Variants in RARB observed in about 807,000 individuals in gnomAD.
The protein encoded by RARB is HBV-activated protein.
A neutral mutation model predicts 51.9 loss-of-function variants in RARB; 17 were observed. That is an observed-to-expected ratio of 0.33 (90% CI 0.22 to 0.49). The LOEUF is 0.49. Ranked by LOEUF, RARB falls within the 20% of genes least tolerant of loss-of-function variation. The pLI, the probability that RARB is intolerant of heterozygous loss-of-function variation, is 0.99. For synonymous variants in RARB, 215 were observed against 195.4 expected (o/e 1.10, Z -0.84); for missense variants, 369 against 550.8 (o/e 0.67, Z 3.30).
intron 5 of RARB, among the ~76,000 whole-genome samples, chr3:25,371,883 T>TAGAG (rs1455828696): frequency 1.3e-5 from 2 of 152,076 alleles, no homozygotes; most frequent in South Asian, 4.1e-4. Context: ...AAAGAAAGTG[T>TAGAG]AGAGGAGTGT....
intron 5 of RARB, among the ~76,000 whole-genome samples, chr3:25,322,053 T>G (rs1704586138): frequency 6.6e-6 from 1 of 151,910 alleles, no homozygotes; most frequent in Non-Finnish European, 1.5e-5. Context: ...TGAAATAAAA[T>G]GCATTATAAG....
chr3:25,356,711 G>A (rs1705749091), intron 5 of RARB, among the ~76,000 whole-genome samples: 1 of 151,928 alleles, frequency 6.6e-6, no homozygotes, highest in Admixed American at 6.6e-5. Context: ...TTCCCTCCCT[G>A]GGCCCATATG....
At chr3:24,922,211 T>C (rs1695230249) in intron 2 of RARB, among the ~76,000 whole-genome samples, 1 of 152,228 alleles carries the variant, frequency 6.6e-6, no homozygotes, top group African/African-American at 2.4e-5. Context: ...GCTATCTGTA[T>C]AAACCTGTAA....
chr3:25,161,907 A>G (rs2125346906), intron 4 of RARB, among the ~76,000 whole-genome samples: 1 of 152,260 alleles, frequency 6.6e-6, no homozygotes, highest in Admixed American at 6.5e-5. Context: ...TTCCAGGGAA[A>G]GAGGCTGCAT....
At chr3:25,365,089 C>G (rs1195692662) in intron 5 of RARB, among the ~76,000 whole-genome samples, 3 of 151,984 alleles carry the variant, frequency 2.0e-5, no homozygotes, top group African/African-American at 4.8e-5. Context: ...AAAAATTCTC[C>G]CAAATGTGGC....
At chr3:24,966,696 C>T (rs562015878) in intron 2 of RARB, among the ~76,000 whole-genome samples, 1 of 151,820 alleles carries the variant, frequency 6.6e-6, no homozygotes, top group Admixed American at 6.6e-5. Context: ...AGATGTTTAA[C>T]AGACCAGGGT....
intron 5 of RARB, among the ~76,000 whole-genome samples, chr3:25,229,100 T>G (rs1702120295): frequency 6.6e-6 from 1 of 152,138 alleles, no homozygotes; most frequent in South Asian, 2.1e-4. Context: ...TTCAGAAAGA[T>G]CTATATCCTG....
intron 2 of RARB, among the ~76,000 whole-genome samples, chr3:24,969,930 A>G (rs1696357036): frequency 6.6e-6 from 1 of 152,116 alleles, no homozygotes; most frequent in African/African-American, 2.4e-5. Flanking sequence ...CAGAGCTGTC[A>G]GTTTAATCTT....
chr3:25,474,185 C>T (rs1038964573), intron 2 of RARB, among the ~76,000 whole-genome samples: 4 of 152,168 alleles, frequency 2.6e-5, no homozygotes, highest in African/African-American at 2.4e-5. Context: ...ACCATTCATA[C>T]AGCCCTGGAA....
chr3:25,062,930 G>C (rs1319893808), intron 3 of RARB, among the ~76,000 whole-genome samples: 1 of 151,952 alleles, frequency 6.6e-6, no homozygotes, highest in Non-Finnish European at 1.5e-5. Flanking sequence ...TGTGAATCAT[G>C]TCTCAAAGGT....
intron 1 of RARB, among the ~76,000 whole-genome samples, chr3:25,449,775 G>A (rs977260588): frequency 6.0e-5 from 9 of 149,888 alleles, no homozygotes; most frequent in Non-Finnish European, 7.4e-5. Flanking sequence ...TTTTTTAGAC[G>A]GAGTCCTGCT....
rs540281723 is a variant in RARB, at chr3:25,103,767, T to C, written c.-327-28394T>C. On this transcript the variant is annotated intron_variant, in intron 3 of 11. Coordinates refer to the RARB transcript ENST00000383772. The stretch of plus-strand genomic sequence containing the variant: ...TATCCACTTTAAACAGTATTATGAA[T>C]GGGGTTCTTATTTTCCTCCATTTTG... Among the ~76,000 whole-genome samples, 252 of 152,358 alleles carry C rather than the reference T, an allele frequency of 1.7e-3. 3 individuals are homozygous for C. Among genetic ancestry groups the C allele is most frequent in the Non-Finnish European group, 2.2e-3 (152 of 68,036 alleles).
intron 2 of RARB, among the ~76,000 whole-genome samples, chr3:24,908,016 A>G: frequency 6.6e-6 from 1 of 152,098 alleles, no homozygotes; most frequent in East Asian, 1.9e-4. Flanking sequence ...GGGTTTTGTT[A>G]TCTTTATCAA....
rs1695061004 is a variant in RARB, at chr3:24,914,270, C to T, written c.-380+55518C>T. On this transcript the variant is annotated intron_variant, in intron 2 of 11. Transcript: ENST00000383772. ...TCTTGATGAGTAACATTTTCCATGT[C>T]GTACCTGTGGCATCTCAGTGACAAA... 3.3e-5 allele frequency among the ~76,000 whole-genome samples: 5 copies of T among 152,160 alleles called. No individual in the cohort carries two copies. In the South Asian group the frequency reaches 6.2e-4, roughly 19 times the overall value.
At chr3:24,944,929 G>A (rs1695742313) in intron 2 of RARB, among the ~76,000 whole-genome samples, 1 of 152,096 alleles carries the variant, frequency 6.6e-6, no homozygotes, top group African/African-American at 2.4e-5. Context: ...GGGTTTGGAG[G>A]AGCTTAAACA....
intron 3 of RARB, among the ~76,000 whole-genome samples, chr3:25,547,054 C>T (rs546157556): frequency 1.3e-5 from 2 of 152,268 alleles, no homozygotes; most frequent in Admixed American, 1.3e-4. Flanking sequence ...ATAAGCTTAG[C>T]TACCTGGTAA....
chr3:25,094,864 A>T (rs967900490), intron 3 of RARB, among the ~76,000 whole-genome samples: 4 of 151,884 alleles, frequency 2.6e-5, no homozygotes, highest in African/African-American at 9.7e-5. Flanking sequence ...GACTCTCCTG[A>T]TGTCTTACAT....
At chr3:25,324,962 T>G (rs1704672044) in intron 5 of RARB, among the ~76,000 whole-genome samples, 1 of 152,102 alleles carries the variant, frequency 6.6e-6, no homozygotes, top group South Asian at 2.1e-4. Flanking sequence ...AAGAAAGAAT[T>G]TAGGGCAAGT....
chr3:25,396,281 C>T (rs1707111774), intron 5 of RARB, among the ~76,000 whole-genome samples: 2 of 152,222 alleles, frequency 1.3e-5, no homozygotes, highest in Admixed American at 1.3e-4. Context: ...GTGAATTGAA[C>T]TCTTTGAGGG....
Sources: gnomAD v4.1 joint callset for allele counts (sites outside exome capture counted in the v4.1 genomes callset) on GRCh38, gnomAD v4.1.1 for gene constraint, MANE v1.5 for transcripts, NCBI Gene and HGNC (gene_info 2026-07-23, HGNC 2026-07-21) for gene names.